Variants in BCL11B observed in about 807,000 individuals in gnomAD.
BCL11B encodes the protein B-cell lymphoma/leukemia 11B.
Under a neutral mutation model 49.9 loss-of-function variants are expected in BCL11B, and 8 were observed. The observed-to-expected ratio is 0.16, with a 90% CI of 0.09 to 0.29. The LOEUF is 0.29. Ranked by LOEUF, BCL11B falls within the 10% of genes least tolerant of loss-of-function variation. The pLI is 1.00. For synonymous variants in BCL11B, 739 were observed against 637.4 expected (o/e 1.16, Z -2.40); for missense variants, 1,006 against 1,351.0 (o/e 0.74, Z 4.00).
rs1886449640 is a variant in BCL11B, at chr14:99,175,106, G to A, written c.1730C>T (p.Pro577Leu). Residue 577 changes from proline (P) to leucine (L), a missense_variant, in exon 4 of 4, where the codon CCG becomes CTG. Coordinates refer to ENST00000357195, the MANE Select transcript of BCL11B (RefSeq NM_138576.4). ...CTTGGCCGCGCCGCCCCCCGCGCCC[G>A]GGACCCCGGGCACCCCACCACCGCC... Reference protein sequence around the residue: ...ENGGGGVPGVPGAGGGAAKAL... With the variant: ...ENGGGGVPGVLGAGGGAAKAL... The A allele has an allele frequency of 5.0e-6, 8 of 1,595,210 alleles. No homozygotes were observed. The highest frequency in any genetic ancestry group is 2.2e-5 in the East Asian group (1 of 44,514).
rs1010662838 is a variant in BCL11B at position 99,247,256 on chromosome 14, A to C, written c.427+10215T>G. Among the ~76,000 whole-genome samples the C allele has an allele frequency of 6.6e-6, 1 of 152,208 alleles. No homozygotes were observed. The highest frequency in any genetic ancestry group is 1.5e-5 in the Non-Finnish European group (1 of 68,034). ...GCCTAGTTTGCAGGGAAAGTTTTACAAGCCAATGATGCAGAGAGAAGACCA... is the reference window on the plus strand; with the variant it reads ...GCCTAGTTTGCAGGGAAAGTTTTACCAGCCAATGATGCAGAGAGAAGACCA... On this transcript the variant is annotated intron_variant, in intron 2 of 3. Coordinates refer to ENST00000357195, the MANE Select transcript of BCL11B (RefSeq NM_138576.4). This position sits in a 1 kb window ranked among gnomAD's most constrained non-coding sequence, Gnocchi z 4.5.
rs7145506 is a variant in BCL11B at position 99,242,285 on chromosome 14, T to C, written c.428-10728A>G. 6.6e-6 allele frequency among the ~76,000 whole-genome samples: 1 copy of C among 152,124 alleles called. No homozygotes were observed. The highest frequency in any genetic ancestry group is 1.5e-5 in the Non-Finnish European group (1 of 68,032). ...TTTACATGGGCGTTGCATGATCTTG[T>C]CCCCCTGCTTCCCTACCTTTTCTCG... is the stretch of plus-strand genomic sequence containing the variant. On this transcript the variant is annotated intron_variant, in intron 2 of 3. Transcript: ENST00000357195. The surrounding 1 kb of genome is among the most constrained non-coding windows in gnomAD (Gnocchi z 4.4).
intron 3 of BCL11B, among the ~76,000 whole-genome samples, chr14:99,212,621 T>C (rs1280524997): frequency 6.6e-6 from 1 of 151,966 alleles, no homozygotes; most frequent in Non-Finnish European, 1.5e-5. Context: ...CATGGGTAAG[T>C]ACAGGGGCCC....
At chr14:99,193,401 AAC>A (rs1327178589) in intron 3 of BCL11B, among the ~76,000 whole-genome samples, 1 of 152,206 alleles carries the variant, frequency 6.6e-6, no homozygotes, top group Non-Finnish European at 1.5e-5. Context: ...CCATTGTCAG[AAC>A]ACAGTCTACG....
At chr14:99,234,188 C>T (rs1888421347) in intron 2 of BCL11B, among the ~76,000 whole-genome samples, 1 of 151,904 alleles carries the variant, frequency 6.6e-6, no homozygotes, top group South Asian at 2.1e-4. Flanking sequence ...CTAATGGGCA[C>T]AGAGTTTCTT....
At chr14:99,221,594 G>C (rs1888010223) in intron 3 of BCL11B, among the ~76,000 whole-genome samples, 2 of 152,268 alleles carry the variant, frequency 1.3e-5, no homozygotes, top group African/African-American at 4.8e-5. Context: ...GGCAGGCCAG[G>C]ACCAGACGCA....
Position 99,174,454 on chromosome 14 carries a change from G to A in BCL11B, c.2382C>T (p.Arg794=). ...TGCCGCAGTACTCGCACGTGTCGCTGCGGCGGCCCTCCTTGGAGCTGGGCC... is the reference window on the plus strand; with the variant it reads ...TGCCGCAGTACTCGCACGTGTCGCTACGGCGGCCCTCCTTGGAGCTGGGCC... ...PGRPSSKEGR[R]SDTCEYCGKV... is the part of the protein sequence containing the mutation. The change falls in exon 4 of 4, where the codon CGC becomes CGT. Residue 794 remains arginine, a synonymous_variant. Transcript: ENST00000357195. 1 of 1,608,232 alleles carries A rather than the reference G, an allele frequency of 6.2e-7. No individual in the cohort carries two copies.
Position 99,228,701 on chromosome 14 carries a change from G to A in BCL11B, c.640+2644C>T, listed in dbSNP as rs1465085647. 3.3e-5 allele frequency among the ~76,000 whole-genome samples: 5 copies of A among 152,190 alleles called. No individual in the cohort carries two copies. The highest frequency in any genetic ancestry group is 7.3e-5 in the Non-Finnish European group (5 of 68,036). On this transcript the variant is annotated intron_variant, in intron 3 of 3. Coordinates refer to ENST00000357195, the MANE Select transcript of BCL11B (RefSeq NM_138576.4). The surrounding 1 kb of genome is among the most constrained non-coding windows in gnomAD (Gnocchi z 4.8). The stretch of plus-strand genomic sequence containing the variant: ...AAGAGCCAAAGCCAAAGATGTGGCA[G>A]GTGCTGGATGGAGAGCCTGGGATCA...
At chr14:99,200,736 A>G (rs1199812254) in intron 3 of BCL11B, among the ~76,000 whole-genome samples, 1 of 152,138 alleles carries the variant, frequency 6.6e-6, no homozygotes, top group Non-Finnish European at 1.5e-5. Flanking sequence ...CCACTACTGG[A>G]GCTAACCCAG....
At chr14:99,200,237 C>T (rs191133755) in intron 3 of BCL11B, among the ~76,000 whole-genome samples, 21 of 152,188 alleles carry the variant, frequency 1.4e-4, no homozygotes, top group Non-Finnish European at 2.2e-4. Context: ...AGCCTGCTGT[C>T]CTGGTGCAGG....
chr14:99,209,449 G>A (rs573897168), intron 3 of BCL11B, among the ~76,000 whole-genome samples: 8 of 152,092 alleles, frequency 5.3e-5, no homozygotes, highest in Non-Finnish European at 1.2e-4. Flanking sequence ...CCTGGTCGTG[G>A]GCTGGAATGA....
rs542888797 is a variant in BCL11B at position 99,258,050 on chromosome 14, T to C, written c.59-211A>G. On this transcript the variant is annotated intron_variant, in intron 1 of 3. Transcript: ENST00000357195. ...GCACACTGAGGCTCTAGGAGCAACG[T>C]CGTGCCCCCTGGGCATTGCCACGTA... 3.3e-5 allele frequency among the ~76,000 whole-genome samples: 5 copies of C among 152,278 alleles called. No homozygotes were observed. The South Asian group carries it at 1.0e-3, about 32-fold the overall frequency.
intron 1 of BCL11B, 38 bp downstream of exon 1, chr14:99,271,123 C>A: frequency 6.6e-7 from 1 of 1,522,534 alleles, no homozygotes. Context: ...CCCGGAGCCC[C>A]ATCTCCGGCC....
In BCL11B at chr14:99,228,530, C is replaced by A. The variant is rs1450128194; in HGVS notation, c.640+2815G>T. On this transcript the variant is annotated intron_variant, in intron 3 of 3. Transcript: ENST00000357195. This position sits in a 1 kb window ranked among gnomAD's most constrained non-coding sequence, Gnocchi z 4.8. ...CCTGGAGCAGTCCTAGGGGCTCAGCCTCCTGCAGTCCCAGCCCCAGGAACA... is the reference window on the plus strand; with the variant it reads ...CCTGGAGCAGTCCTAGGGGCTCAGCATCCTGCAGTCCCAGCCCCAGGAACA... Among the ~76,000 whole-genome samples, 1 of 152,224 alleles carries A rather than the reference C, an allele frequency of 6.6e-6. No individual in the cohort carries two copies. The highest frequency in any genetic ancestry group is 1.5e-5 in the Non-Finnish European group (1 of 68,020).
intron 3 of BCL11B, among the ~76,000 whole-genome samples, chr14:99,230,817 G>C (rs1888309000): frequency 1.3e-5 from 2 of 151,402 alleles, no homozygotes; most frequent in South Asian, 4.2e-4. Context: ...ACTCCCTCTC[G>C]TGGCCACAGC....
chr14:99,187,695 G>C (rs150903521), intron 3 of BCL11B, among the ~76,000 whole-genome samples: 53 of 149,416 alleles, frequency 3.5e-4, no homozygotes, highest in African/African-American at 1.3e-3. Context: ...GTCGGCTGCA[G>C]GTGTGTGAGC....
chr14:99,265,944 G>A (rs968069564), intron 1 of BCL11B, among the ~76,000 whole-genome samples: 1 of 152,144 alleles, frequency 6.6e-6, no homozygotes, highest in African/African-American at 2.4e-5. Flanking sequence ...TGGGAAAGAA[G>A]ACATTATAAA....
At chr14:99,177,189 T>C (rs1264925870) in intron 3 of BCL11B, among the ~76,000 whole-genome samples, 1 of 152,076 alleles carries the variant, frequency 6.6e-6, no homozygotes, top group African/African-American at 2.4e-5. Flanking sequence ...CACACTGGCC[T>C]ACATGAGTCT....
intron 3 of BCL11B, among the ~76,000 whole-genome samples, chr14:99,214,347 G>T (rs1284894234): frequency 6.6e-6 from 1 of 152,170 alleles, no homozygotes; most frequent in Non-Finnish European, 1.5e-5. Flanking sequence ...GAGGCCAGGA[G>T]TTTGAGAACA....
Sources: allele counts gnomAD v4.1 joint callset (sites outside exome capture counted in the v4.1 genomes callset), GRCh38; gene constraint gnomAD v4.1.1; non-coding constraint Gnocchi (gnomAD v3.1); transcripts MANE v1.5; gene names NCBI Gene and HGNC (gene_info 2026-07-23, HGNC 2026-07-21).